The following ZNF91 variants were observed in gnomAD, a reference collection of about 807,000 sequenced individuals.
The protein encoded by ZNF91 is zinc finger protein 91.
In ZNF91, 7 loss-of-function variants were observed where a neutral mutation model predicts 12.6. That is an observed-to-expected ratio of 0.55 (90% CI 0.31 to 1.04). ZNF91 has a LOEUF of 1.04. Among genes scored for constraint, ZNF91 ranks in the 50% least tolerant of loss-of-function variants. The pLI is 0.05. For missense variants in ZNF91, 1,217 were observed against 1,385.4 expected (o/e 0.88, Z 1.93); for synonymous variants, 453 against 462.6 (o/e 0.98, Z 0.27).
At chr19:23,355,640 AG>A (rs1177380287), downstream of ZNF91, among the ~76,000 whole-genome samples, 9 of 152,232 alleles carry the variant, frequency 5.9e-5, no homozygotes, top group African/African-American at 9.6e-5. Context: ...GCATGGCAAA[AG>A]GAACAGTCAG....
chr19:23,308,398 T>C (rs1241809842), intron 2 of ZNF91: 1 of 152,224 alleles, frequency 6.6e-6, no homozygotes, highest in East Asian at 1.9e-4. Flanking sequence ...CTGATATTAC[T>C]CCTCTTTTTT....
chr19:23,372,222 A>AT lies in ZNF91; in HGVS notation c.253+1519dup, dbSNP rs545224024. 5.0e-3 allele frequency among the ~76,000 whole-genome samples: 756 copies of AT among 151,646 alleles called. 15 individuals are homozygous for AT. Among genetic ancestry groups the AT allele is most frequent in the Non-Finnish European group, 3.0e-3 (203 of 67,990 alleles). On this transcript the variant is annotated intron_variant, in intron 3 of 3. Transcript: ENST00000300619. ...TTATATGGAGAGTGACATTAATAAG[A>AT]TAAAAAAAAAAAGATGCCCTATTTG...
Position 23,362,624 on chromosome 19 carries a change from T to C in ZNF91, c.355A>G (p.Asn119Asp). The stretch of plus-strand genomic sequence containing the variant: ...TTACAACCTTTTCTTAACTGTAAAT[T>C]CTCATGTCCACATTTTTCATATTTT... The part of the protein sequence containing the change: ...LRKYEKCGHE[N>D]LQLRKGCKSV... The change falls in exon 4 of 4, where the codon AAT becomes GAT. Residue 119 changes from asparagine to aspartate, a missense_variant. Physicochemically the swap from Asn to Asp is conservative, Grantham distance 23 (BLOSUM62 1). Transcript: ENST00000300619. The C allele has an allele frequency of 6.3e-7, 1 of 1,587,710 alleles. No homozygotes were observed. The highest frequency in any genetic ancestry group is 1.2e-5 in the South Asian group (1 of 85,296).
rs1466418711 is a variant in ZNF91, at chr19:23,324,045, T to A, written n.117-14948A>T. On this transcript the variant is annotated intron_variant and non_coding_transcript_variant, in intron 1 of 1. Coordinates refer to the ZNF91 transcript ENST00000596528. ...TCTTCTCCTCTTCCTTGTCCCCTCC[T>A]CCTCCTTGTCCATCTCCTCTACTCC... The A allele has an allele frequency of 4.0e-5, 6 of 149,094 alleles. No homozygotes were observed. In the East Asian group the frequency reaches 1.0e-3, roughly 25 times the overall value. 9.2% of individuals were successfully genotyped at this position (149,094 alleles called of 1,614,324 possible). A position where few individuals can be genotyped will look rare whatever the true frequency, so the allele number is the denominator to read the frequency against.
At chr19:23,368,070 T>C (rs988279373) in intron 3 of ZNF91, among the ~76,000 whole-genome samples, 4 of 151,988 alleles carry the variant, frequency 2.6e-5, no homozygotes, top group Non-Finnish European at 5.9e-5. Flanking sequence ...GCACAGCGTC[T>C]GGCTAATTTA....
At chr19:23,337,006 T>A (rs1968022892), downstream of ZNF91, among the ~76,000 whole-genome samples, 1 of 152,190 alleles carries the variant, frequency 6.6e-6, no homozygotes. Context: ...TATACAAATG[T>A]GTTGGGTGCA....
chr19:23,354,921 G>C (rs989935520), downstream of ZNF91, among the ~76,000 whole-genome samples: 1 of 152,100 alleles, frequency 6.6e-6, no homozygotes, highest in South Asian at 2.1e-4. Flanking sequence ...CGAAAGACCT[G>C]TACAAGGAAA....
chr19:23,342,572 AAG>A (rs1341679544), intron 3 of ZNF91, among the ~76,000 whole-genome samples: 1 of 151,630 alleles, frequency 6.6e-6, no homozygotes, highest in East Asian at 1.9e-4. Context: ...AGATTAGCTC[AAG>A]AGAGGGGAAG....
chr19:23,350,965 T>G (rs759396832), intron 3 of ZNF91, among the ~76,000 whole-genome samples: 2 of 151,880 alleles, frequency 1.3e-5, no homozygotes, highest in Non-Finnish European at 2.9e-5. Flanking sequence ...GTTGGCACGC[T>G]CTCAGGGTTC....
At chr19:23,355,507 T>C (rs1045846721), downstream of ZNF91, among the ~76,000 whole-genome samples, 3 of 151,898 alleles carry the variant, frequency 2.0e-5, no homozygotes, top group Non-Finnish European at 2.9e-5. Flanking sequence ...TTCTGGAAGA[T>C]AAAATTGGAA....
At chr19:23,308,084 T>C (rs543823928) in intron 2 of ZNF91, 5 of 152,292 alleles carry the variant, frequency 3.3e-5, no homozygotes, top group African/African-American at 4.8e-5. Context: ...TGATATATCA[T>C]TGGATCCAGA....
chr19:23,355,321 T>A (rs762925341), downstream of ZNF91, among the ~76,000 whole-genome samples: 1 of 151,992 alleles, frequency 6.6e-6, no homozygotes, highest in African/African-American at 2.4e-5. Context: ...AGCCAAGCAA[T>A]CTTCAAAAAA....
Position 23,360,129 on chromosome 19 carries a change from G to A in ZNF91, c.2850C>T (p.Ser950=), listed in dbSNP as rs1215400658. The A allele has an allele frequency of 1.2e-6, 2 of 1,612,540 alleles. No homozygotes were observed. The highest frequency in any genetic ancestry group is 1.7e-5 in the Admixed American group (1 of 59,930). Residue 950 remains serine (S), a synonymous_variant, in exon 4 of 4, where the codon TCC becomes TCT. Transcript: ENST00000300619. ...TTATCTTATGTGTAGTAAGGGTTGAGGATTGGCTAAAAGCTTTGCCACATT... is the reference window on the plus strand; with the variant it reads ...TTATCTTATGTGTAGTAAGGGTTGAAGATTGGCTAAAAGCTTTGCCACATT... The part of the protein sequence containing the change: ...CEECGKAFSQ[S]STLTTHKIIH...
chr19:23,371,043 T>A (rs1969255689), intron 3 of ZNF91, among the ~76,000 whole-genome samples: 1 of 151,944 alleles, frequency 6.6e-6, no homozygotes, highest in South Asian at 2.1e-4. Flanking sequence ...AAACCAACAT[T>A]GAAAGTGAAC....
intron 1 of ZNF91, among the ~76,000 whole-genome samples, chr19:23,378,506 ATC>A (rs1454178291): frequency 6.6e-6 from 1 of 152,212 alleles, no homozygotes; most frequent in Non-Finnish European, 1.5e-5. Context: ...TGTAATTTTA[ATC>A]TTTTTTAGCC....
intron 1 of ZNF91, chr19:23,324,287 C>T (rs1414584904): frequency 6.6e-6 from 1 of 151,306 alleles, no homozygotes; most frequent in Admixed American, 6.6e-5. Flanking sequence ...CTATCTTCTT[C>T]TCATTTTCTC....
Position 23,320,417 on chromosome 19 carries a change from G to T in ZNF91, n.117-11320C>A, listed in dbSNP as rs1010957941. 1.5e-4 allele frequency among the ~76,000 whole-genome samples: 23 copies of T among 152,176 alleles called. 1 individual carries two copies. Among genetic ancestry groups the T allele is most frequent in the African/African-American group, 4.8e-4 (20 of 41,452 alleles). The stretch of plus-strand genomic sequence containing the variant: ...AACTGCCCAAGACCAGGTAATTTAG[G>T]TAGAAAAGGGATTTAATTGACTCAC... On this transcript the variant is annotated intron_variant and non_coding_transcript_variant, in intron 1 of 1. Transcript: ENST00000596528.
intron 1 of ZNF91, among the ~76,000 whole-genome samples, chr19:23,319,402 C>A (rs1179896823): frequency 6.6e-6 from 1 of 152,182 alleles, no homozygotes; most frequent in Non-Finnish European, 1.5e-5. Flanking sequence ...TCTGCCTGGG[C>A]TCTGCTAAAG....
chr19:23,370,538 T>C (rs909119611), intron 3 of ZNF91, among the ~76,000 whole-genome samples: 5 of 152,218 alleles, frequency 3.3e-5, no homozygotes, highest in African/African-American at 1.2e-4. Flanking sequence ...GGTCTCAATC[T>C]GTCACACAAG....
Sources: gnomAD v4.1 joint callset for allele counts (sites outside exome capture counted in the v4.1 genomes callset) on GRCh38, gnomAD v4.1.1 for gene constraint, MANE v1.5 for transcripts, NCBI Gene and HGNC (gene_info 2026-07-23, HGNC 2026-07-21) for gene names.